Variants in UBASH3B observed in about 807,000 individuals in gnomAD.
The protein encoded by UBASH3B is ubiquitin associated and SH3 domain containing B, also known as ubiquitin-associated and SH3 domain-containing protein B.
A neutral mutation model predicts 83.4 loss-of-function variants in UBASH3B; 37 were observed. That is an observed-to-expected ratio of 0.44 (90% CI 0.34 to 0.58). The LOEUF is 0.58. UBASH3B is among the 20% of genes least tolerant of loss of function. The pLI, the probability that UBASH3B is intolerant of heterozygous loss-of-function variation, is 0.01. For missense variants in UBASH3B, 657 were observed against 827.2 expected (o/e 0.79, Z 2.52); for synonymous variants, 304 against 318.3 (o/e 0.96, Z 0.48).
At chr11:122,721,843 G>A (rs1254464734) in intron 1 of UBASH3B, among the ~76,000 whole-genome samples, 1 of 152,188 alleles carries the variant, frequency 6.6e-6, no homozygotes, top group Non-Finnish European at 1.5e-5. Flanking sequence ...GCTATTGGGT[G>A]AAATTTAGAA....
intron 9 of UBASH3B, 82 bp from the exon 10 acceptor site, chr11:122,798,860 T>C: frequency 9.2e-7 from 1 of 1,083,942 alleles, no homozygotes; most frequent in Non-Finnish European, 1.4e-6. Flanking sequence ...AGGAGCTTAC[T>C]GCTTGGCCCC....
intron 1 of UBASH3B, among the ~76,000 whole-genome samples, chr11:122,690,196 AT>A (rs1863870747): frequency 4.4e-5 from 1 of 22,650 alleles, no homozygotes; most frequent in Non-Finnish European, 8.5e-5. Flanking sequence ...ATATATATAT[AT>A]ATATATATAT....
At chr11:122,670,040 C>T (rs1009663459) in intron 1 of UBASH3B, among the ~76,000 whole-genome samples, 1 of 152,190 alleles carries the variant, frequency 6.6e-6, no homozygotes, top group Admixed American at 6.5e-5. Flanking sequence ...GAGGGCAACC[C>T]GACTTGCCCA....
chr11:122,671,045 G>A (rs1367394215), intron 1 of UBASH3B, among the ~76,000 whole-genome samples: 4 of 152,100 alleles, frequency 2.6e-5, no homozygotes, highest in African/African-American at 9.7e-5. Context: ...TTATAAGCGT[G>A]AGCCACCACA....
At chr11:122,699,566 TTTC>T (rs1864014243) in intron 1 of UBASH3B, among the ~76,000 whole-genome samples, 1 of 135,646 alleles carries the variant, frequency 7.4e-6, no homozygotes. Context: ...TCTTTCTTTC[TTTC>T]TTTCTTTTCT....
chr11:122,800,274 T>C (rs1861229070), intron 10 of UBASH3B, among the ~76,000 whole-genome samples: 1 of 151,552 alleles, frequency 6.6e-6, no homozygotes, highest in Non-Finnish European at 1.5e-5. Context: ...GCGCAGTGGC[T>C]CACGCCTGTA....
intron 1 of UBASH3B, among the ~76,000 whole-genome samples, chr11:122,727,125 C>CA (rs1251065303): frequency 1.3e-5 from 2 of 152,206 alleles, no homozygotes; most frequent in African/African-American, 4.8e-5. Context: ...AGTTTCTGGC[C>CA]AGGCCATGTG....
intron 1 of UBASH3B, among the ~76,000 whole-genome samples, chr11:122,684,412 G>A (rs916807175): frequency 3.3e-5 from 5 of 152,206 alleles, no homozygotes; most frequent in Non-Finnish European, 5.9e-5. Flanking sequence ...TGAAAATGCT[G>A]TGTGTACTTA....
chr11:122,665,435 C>T (rs1180118400), intron 1 of UBASH3B, among the ~76,000 whole-genome samples: 1 of 152,178 alleles, frequency 6.6e-6, no homozygotes, highest in South Asian at 2.1e-4. Context: ...TCAAGTGATC[C>T]GTTCGCCTCA....
intron 5 of UBASH3B, among the ~76,000 whole-genome samples, chr11:122,784,708 G>A (rs760298035): frequency 5.3e-5 from 8 of 152,314 alleles, no homozygotes; most frequent in South Asian, 2.1e-4. Flanking sequence ...GAGCAGGCAA[G>A]CTCATTGTTT....
chr11:122,690,263 TATATATATCTCCAATTATAC>T (rs1319495672), intron 1 of UBASH3B, among the ~76,000 whole-genome samples: 5 of 138,262 alleles, frequency 3.6e-5, no homozygotes, highest in Non-Finnish European at 7.7e-5. Context: ...CAATTATATA[TATATATATCTCCAATTATAC>T]ATATATATAT....
At chr11:122,671,043 G>A (rs1243901502) in intron 1 of UBASH3B, among the ~76,000 whole-genome samples, 1 of 152,048 alleles carries the variant, frequency 6.6e-6, no homozygotes, top group Non-Finnish European at 1.5e-5. Flanking sequence ...GATTATAAGC[G>A]TGAGCCACCA....
chr11:122,702,275 C>T (rs1345129557), intron 1 of UBASH3B, among the ~76,000 whole-genome samples: 1 of 152,096 alleles, frequency 6.6e-6, no homozygotes, highest in Non-Finnish European at 1.5e-5. Context: ...ACATTTCATC[C>T]AGAATACTAA....
At chr11:122,660,997 TTCCA>T (rs2135889522) in intron 1 of UBASH3B, among the ~76,000 whole-genome samples, 1 of 152,258 alleles carries the variant, frequency 6.6e-6, no homozygotes, top group Admixed American at 6.5e-5. Flanking sequence ...TCACGGGCCT[TTCCA>T]AAGACAAAAT....
Position 122,769,405 on chromosome 11 carries a change from G to A in UBASH3B, c.162-6814G>A, listed in dbSNP as rs188298560. On this transcript the variant is annotated intron_variant, in intron 1 of 13. Coordinates refer to ENST00000284273, the MANE Select transcript of UBASH3B (RefSeq NM_032873.5). ...CAAATTTCAACATGAGACTTGGTGG[G>A]GTCAAGCAATGCCATGCCATAAAGG... 1.7e-3 allele frequency among the ~76,000 whole-genome samples: 252 copies of A among 152,272 alleles called. 1 individual carries two copies. Among genetic ancestry groups the A allele is most frequent in the African/African-American group, 6.0e-3 (249 of 41,548 alleles).
intron 1 of UBASH3B, among the ~76,000 whole-genome samples, chr11:122,677,220 G>C (rs1454678069): frequency 6.6e-6 from 1 of 152,202 alleles, no homozygotes; most frequent in African/African-American, 2.4e-5. Context: ...AAGTACACAG[G>C]AGGGTGTGCA....
intron 1 of UBASH3B, among the ~76,000 whole-genome samples, chr11:122,753,846 T>G (rs1043339297): frequency 6.6e-6 from 1 of 152,146 alleles, no homozygotes; most frequent in Non-Finnish European, 1.5e-5. Context: ...AGGATTAACA[T>G]GCCTTCACCA....
At chr11:122,705,236 G>A (rs1463816906) in intron 1 of UBASH3B, among the ~76,000 whole-genome samples, 1 of 152,038 alleles carries the variant, frequency 6.6e-6, no homozygotes, top group Non-Finnish European at 1.5e-5. Context: ...CATTTGAGGT[G>A]AGAAGTTTGA....
intron 1 of UBASH3B, among the ~76,000 whole-genome samples, chr11:122,666,866 C>T (rs1353865943): frequency 6.6e-6 from 1 of 151,204 alleles, no homozygotes; most frequent in Non-Finnish European, 1.5e-5. Context: ...CTTTCTCTTC[C>T]CCTCCTCTCT....
Sources: gnomAD v4.1 joint callset for allele counts (sites outside exome capture counted in the v4.1 genomes callset) on GRCh38, gnomAD v4.1.1 for gene constraint, MANE v1.5 for transcripts, NCBI Gene and HGNC (gene_info 2026-07-23, HGNC 2026-07-21) for gene names.